Variants in KIAA1328 observed in about 807,000 individuals in gnomAD.
KIAA1328 encodes KIAA1328.
In KIAA1328, 52 loss-of-function variants were observed where a neutral mutation model predicts 68.1. The observed-to-expected ratio is 0.76, with a 90% confidence interval of 0.61 to 0.96. KIAA1328 has a LOEUF of 0.96. Among genes scored for constraint, KIAA1328 ranks in the 40% least tolerant of loss-of-function variants. KIAA1328 has a pLI of 0.00. For missense variants in KIAA1328, 641 were observed against 677.6 expected (o/e 0.95, Z 0.60); for synonymous variants, 232 against 239.4 (o/e 0.97, Z 0.28).
rs560663040 is a variant in KIAA1328 at position 37,208,210 on chromosome 18, G to C, written c.1524-13807G>C. Among the ~76,000 whole-genome samples the C allele has an allele frequency of 3.3e-5, 5 of 152,228 alleles. No homozygotes were observed. In the South Asian group the frequency reaches 6.2e-4, roughly 19 times the overall value. On this transcript the variant is annotated intron_variant, in intron 9 of 9. Transcript: ENST00000280020. Reference sequence around the variant, plus strand: ...TTCCCTCCTCCCCCTACATTGGTCTGGTGAGACCAGCAGGCAGAGATAGTA... The same window carrying C: ...TTCCCTCCTCCCCCTACATTGGTCTCGTGAGACCAGCAGGCAGAGATAGTA...
intron 7 of KIAA1328, among the ~76,000 whole-genome samples, chr18:37,099,407 A>C (rs2057525978): frequency 6.6e-6 from 1 of 152,130 alleles, no homozygotes; most frequent in Non-Finnish European, 1.5e-5. Context: ...CTTGATCCTG[A>C]GTTCTAGTTT....
At chr18:37,151,958 G>T (rs1184627826) in intron 7 of KIAA1328, among the ~76,000 whole-genome samples, 1 of 152,032 alleles carries the variant, frequency 6.6e-6, no homozygotes, top group African/African-American at 2.4e-5. Context: ...GTTTGGCCTT[G>T]CAGGGGGTCT....
chr18:36,950,569 T>TCC (rs769627231), intron 5 of KIAA1328, among the ~76,000 whole-genome samples: 3 of 152,058 alleles, frequency 2.0e-5, no homozygotes, highest in Non-Finnish European at 2.9e-5. Context: ...GCCTGGGAGG[T>TCC]CAGTGAAAGC....
At chr18:37,049,089 C>T (rs114162768) in intron 6 of KIAA1328, among the ~76,000 whole-genome samples, 1,718 of 152,238 alleles carry the variant, frequency 0.011, 26 homozygotes, top group African/African-American at 0.039. Context: ...CTGGGGATAA[C>T]GCAATGAATA....
At chr18:37,137,265 C>CAGT (rs1211778352) in intron 7 of KIAA1328, among the ~76,000 whole-genome samples, 2 of 152,176 alleles carry the variant, frequency 1.3e-5, no homozygotes, top group Non-Finnish European at 2.9e-5. Flanking sequence ...TCTCTTGCAT[C>CAGT]AGTACCTCTT....
intron 9 of KIAA1328, chr18:37,193,757 A>G: frequency 1.6e-6 from 1 of 613,678 alleles, no homozygotes; most frequent in Non-Finnish European, 2.9e-6. Context: ...AATTGTTTTG[A>G]AAATTTTTGC....
chr18:36,929,679 T>C (rs998875319), intron 5 of KIAA1328, among the ~76,000 whole-genome samples: 1 of 152,044 alleles, frequency 6.6e-6, no homozygotes, highest in African/African-American at 2.4e-5. Context: ...AGCACTCATT[T>C]AGTGTCCTTA....
In KIAA1328 at chr18:36,835,122, A is replaced by C. The variant is rs1316648911; in HGVS notation, c.95-112A>C. On this transcript the variant is annotated intron_variant, in intron 2 of 9. Transcript: ENST00000280020. ...TAAAATTAAGTTTATAAAGTAAGAG[A>C]GTTTCCTCCATCAGGTCCCTTAAAG... 4 of 729,470 alleles carry C rather than the reference A, an allele frequency of 5.5e-6. No homozygotes were observed. In the East Asian group the frequency reaches 1.1e-4, roughly 20 times the overall value. 45.2% of individuals were successfully genotyped at this position (729,470 alleles called of 1,614,324 possible). A position where few individuals can be genotyped will look rare whatever the true frequency, so the allele number is the denominator to read the frequency against.
chr18:37,100,412 C>T (rs2057571409), intron 7 of KIAA1328, among the ~76,000 whole-genome samples: 1 of 152,190 alleles, frequency 6.6e-6, no homozygotes, highest in Admixed American at 6.5e-5. Flanking sequence ...CCCACAGAGC[C>T]TTGCTCATTG....
intron 7 of KIAA1328, among the ~76,000 whole-genome samples, chr18:37,142,336 C>T (rs989699014): frequency 6.6e-6 from 1 of 151,882 alleles, no homozygotes; most frequent in African/African-American, 2.4e-5. Flanking sequence ...GGATTACAGG[C>T]GCACACCACC....
intron 2 of KIAA1328, 65 bp from the exon 3 acceptor site, chr18:36,835,169 T>C (rs992180685): frequency 7.1e-7 from 1 of 1,411,770 alleles, no homozygotes; most frequent in Non-Finnish European, 9.7e-7. Flanking sequence ...AAGGAAGGAG[T>C]TGATGGGGGA....
rs541984772 is a variant in KIAA1328, at chr18:37,096,786, T to C, written c.1232+29241T>C. Among the ~76,000 whole-genome samples the C allele has an allele frequency of 4.6e-5, 7 of 152,332 alleles. No individual in the cohort carries two copies. In the East Asian group the frequency reaches 1.3e-3, roughly 29 times the overall value. On this transcript the variant is annotated intron_variant, in intron 7 of 9. Transcript: ENST00000280020. ...CCATTCTAACTGGGGTGAGGTGGTA[T>C]CTCATTGTGGTTTTGATTTGCATTT... is the stretch of plus-strand genomic sequence containing the variant.
At chr18:36,903,668 C>G (rs2049115616) in intron 5 of KIAA1328, 1 of 152,080 alleles carries the variant, frequency 6.6e-6, no homozygotes, top group Non-Finnish European at 1.5e-5. Context: ...AGTATTCATT[C>G]CAGCAGGTTT....
At chr18:36,853,971 T>C (rs1486132556) in intron 4 of KIAA1328, among the ~76,000 whole-genome samples, 1 of 152,200 alleles carries the variant, frequency 6.6e-6, no homozygotes, top group African/African-American at 2.4e-5. Context: ...TGTGTGCTTT[T>C]TATGGGCTGA....
At chr18:37,193,994 C>A (rs1390055607) in intron 9 of KIAA1328, among the ~76,000 whole-genome samples, 1 of 152,130 alleles carries the variant, frequency 6.6e-6, no homozygotes, top group African/African-American at 2.4e-5. Flanking sequence ...TATGCACGTA[C>A]CACAATGCAG....
At chr18:37,111,741 G>A (rs566789400) in intron 7 of KIAA1328, among the ~76,000 whole-genome samples, 1 of 152,292 alleles carries the variant, frequency 6.6e-6, no homozygotes, top group South Asian at 2.1e-4. Context: ...CACCTGGGAA[G>A]CACAAGGGGT....
intron 4 of KIAA1328, among the ~76,000 whole-genome samples, chr18:36,852,373 G>A (rs936734518): frequency 6.6e-6 from 1 of 152,192 alleles, no homozygotes; most frequent in Non-Finnish European, 1.5e-5. Flanking sequence ...GTATACCACT[G>A]GAGGCTATGT....
At chr18:37,134,935 A>C (rs2058609585) in intron 7 of KIAA1328, among the ~76,000 whole-genome samples, 1 of 152,144 alleles carries the variant, frequency 6.6e-6, no homozygotes, top group Non-Finnish European at 1.5e-5. Context: ...CCCACTTACA[A>C]GTGAGAACAT....
intron 9 of KIAA1328, among the ~76,000 whole-genome samples, chr18:37,177,123 A>G (rs2059610758): frequency 6.6e-6 from 1 of 152,222 alleles, no homozygotes; most frequent in Non-Finnish European, 1.5e-5. Flanking sequence ...TTGGATCTTC[A>G]GGTCTTTTAT....
Sources: gnomAD v4.1 joint callset for allele counts (sites outside exome capture counted in the v4.1 genomes callset) on GRCh38, gnomAD v4.1.1 for gene constraint, MANE v1.5 for transcripts, NCBI Gene and HGNC (gene_info 2026-07-23, HGNC 2026-07-21) for gene names.